The following FLI1 variants were observed in gnomAD, a reference collection of about 807,000 sequenced individuals.
The protein encoded by FLI1 is Fli-1 proto-oncogene, ETS transcription factor.
Under a neutral mutation model 53.1 loss-of-function variants are expected in FLI1, and 13 were observed. The ratio of observed to expected loss-of-function variants is 0.24; its 90% CI spans 0.16 to 0.39. FLI1 has a LOEUF of 0.39. Among genes scored for constraint, FLI1 ranks in the 10% least tolerant of loss-of-function variants. FLI1 has a pLI of 1.00. For synonymous variants in FLI1, 244 were observed against 236.7 expected, an observed-to-expected ratio of 1.03 and a Z score of -0.28; for missense variants, 424 against 600.5, an observed-to-expected ratio of 0.71 and a Z score of 3.07.
chr11:128,774,228 TG>T (rs1333105210), intron 4 of FLI1, among the ~76,000 whole-genome samples: 1 of 152,190 alleles, frequency 6.6e-6, no homozygotes, highest in African/African-American at 2.4e-5. Flanking sequence ...CAGTTTCCAC[TG>T]GTGCCTCTGT....
intron 5 of FLI1, among the ~76,000 whole-genome samples, chr11:128,794,249 C>A (rs1942363178): frequency 6.6e-6 from 1 of 152,116 alleles, no homozygotes; most frequent in African/African-American, 2.4e-5. Flanking sequence ...GGAGAAGGGT[C>A]CCAAAATACT....
In FLI1 at chr11:128,741,168, C is replaced by G. The variant is rs1010064054; in HGVS notation, c.19-16947C>G. 2.6e-4 allele frequency among the ~76,000 whole-genome samples: 39 copies of G among 152,078 alleles called. No homozygotes were observed. In the East Asian group the frequency reaches 3.5e-3, roughly 14 times the overall value. On this transcript the variant is annotated intron_variant, in intron 1 of 8. Coordinates refer to ENST00000527786, the MANE Select transcript of FLI1 (RefSeq NM_002017.5). ...CAGCACTTTGGGAGGCTGAGGCGGG[C>G]GGATCACTTGAGGTCAGGAGTTGGA...
intron 3 of FLI1, among the ~76,000 whole-genome samples, chr11:128,772,257 G>A (rs1941591645): frequency 6.6e-6 from 1 of 152,160 alleles, no homozygotes; most frequent in Non-Finnish European, 1.5e-5. Flanking sequence ...TTTCTACACA[G>A]CTGTGCTCAA....
intron 1 of FLI1, among the ~76,000 whole-genome samples, chr11:128,752,121 A>G (rs758000989): frequency 3.0e-4 from 45 of 151,890 alleles, no homozygotes; most frequent in Non-Finnish European, 2.6e-4. Flanking sequence ...GATTATAGGC[A>G]CCCACCACCA....
chr11:128,764,453 C>T (rs1302291459), intron 2 of FLI1, among the ~76,000 whole-genome samples: 1 of 152,228 alleles, frequency 6.6e-6, no homozygotes. Flanking sequence ...GGGCCACCGC[C>T]ACCTCCCTGC....
chr11:128,800,544 T>G (rs965044826), intron 5 of FLI1, among the ~76,000 whole-genome samples: 2 of 152,152 alleles, frequency 1.3e-5, no homozygotes, highest in African/African-American at 4.8e-5. Context: ...GGTTAAAAGC[T>G]TCACACAGAA....
intron 7 of FLI1, among the ~76,000 whole-genome samples, chr11:128,807,713 G>A (rs575318478): frequency 6.6e-6 from 1 of 152,302 alleles, no homozygotes; most frequent in East Asian, 1.9e-4. Flanking sequence ...GTATTGGAGA[G>A]GAACTTGGAG....
intron 1 of FLI1, among the ~76,000 whole-genome samples, chr11:128,699,153 T>C (rs1012931133): frequency 5.3e-5 from 8 of 152,254 alleles, no homozygotes; most frequent in Non-Finnish European, 1.0e-4. Flanking sequence ...TAAGTAGGTC[T>C]TGAATAACAA....
intron 7 of FLI1, 133 bp from the exon 8 acceptor site, chr11:128,809,024 G>A: frequency 1.6e-6 from 1 of 632,464 alleles, no homozygotes; most frequent in South Asian, 2.3e-5. Flanking sequence ...AATAAAAGCA[G>A]TAAAGTTTTC....
chr11:128,754,569 T>C (rs1041441553), intron 1 of FLI1, among the ~76,000 whole-genome samples: 2 of 152,122 alleles, frequency 1.3e-5, no homozygotes, highest in African/African-American at 4.8e-5. Flanking sequence ...AGTTGTGCAA[T>C]GTAAGTGTGG....
chr11:128,753,711 A>C (rs1940744549), intron 1 of FLI1, among the ~76,000 whole-genome samples: 1 of 152,232 alleles, frequency 6.6e-6, no homozygotes. Context: ...AGCTGCAAAT[A>C]AGTGAAATTT....
chr11:128,707,489 G>C (rs1279721363), intron 1 of FLI1, among the ~76,000 whole-genome samples: 3 of 152,174 alleles, frequency 2.0e-5, no homozygotes, highest in Non-Finnish European at 4.4e-5. Flanking sequence ...CGTCATTTCA[G>C]GAAACCAGCA....
intron 5 of FLI1, chr11:128,804,435 A>C (rs150801869): frequency 4.1e-4 from 63 of 152,360 alleles, no homozygotes; most frequent in African/African-American, 1.5e-3. Flanking sequence ...GGAAGGAAGA[A>C]GTTTCCAGCT....
chr11:128,778,264 G>A (rs190672192), intron 4 of FLI1, among the ~76,000 whole-genome samples: 25 of 152,206 alleles, frequency 1.6e-4, no homozygotes, highest in Admixed American at 1.4e-3. Flanking sequence ...CATGAAGTGC[G>A]CTACGTGAGA....
chr11:128,780,627 A>G (rs967641930), intron 4 of FLI1, among the ~76,000 whole-genome samples: 1 of 152,194 alleles, frequency 6.6e-6, no homozygotes, highest in East Asian at 1.9e-4. Context: ...TCTCTTCCTC[A>G]TCGTCTGGCT....
Position 128,768,207 on chromosome 11 carries a change from A to G in FLI1, c.320A>G (p.Asp107Gly). Residue 107 changes from aspartate (D) to glycine (G), a missense_variant, in exon 3 of 9, where the codon GAC (aspartate) becomes GGC (glycine). Coordinates refer to ENST00000527786, the MANE Select transcript of FLI1 (RefSeq NM_002017.5). ...SNPMNYNSYM[D>G]EKNGPPPPNM... The stretch of plus-strand genomic sequence containing the variant: ...CCCATGAACTACAACAGCTATATGG[A>G]CGAGAAGAATGGCCCCCCTCCTCCC... 6.2e-7 allele frequency: 1 copy of G among 1,613,936 alleles called. No homozygotes were observed. The highest frequency in any genetic ancestry group is 8.5e-7 in the Non-Finnish European group (1 of 1,179,876).
At chr11:128,705,542 C>T (rs1047978950) in intron 1 of FLI1, among the ~76,000 whole-genome samples, 3 of 152,008 alleles carry the variant, frequency 2.0e-5, no homozygotes, top group African/African-American at 7.3e-5. Context: ...TTTTAAAAAA[C>T]ATAACAGATT....
upstream of FLI1, among the ~76,000 whole-genome samples, chr11:128,690,796 C>T (rs893888030): frequency 1.3e-5 from 2 of 152,170 alleles, no homozygotes; most frequent in Non-Finnish European, 2.9e-5. Flanking sequence ...GTTTTAAATA[C>T]TGGGAAGAGC....
intron 4 of FLI1, 41 bp downstream of exon 4, chr11:128,773,026 G>T: frequency 1.3e-6 from 2 of 1,579,454 alleles, no homozygotes; most frequent in African/African-American, 1.3e-5. Flanking sequence ...AGGAAGCTTG[G>T]CATGGAGCCA....
Sources: gnomAD v4.1 joint callset for allele counts (sites outside exome capture counted in the v4.1 genomes callset) on GRCh38, gnomAD v4.1.1 for gene constraint, MANE v1.5 for transcripts, NCBI Gene and HGNC (gene_info 2026-07-23, HGNC 2026-07-21) for gene names.